EYA2: variants seen among roughly 807,000 people sequenced by gnomAD.
EYA2 encodes protein phosphatase EYA2.
Under a neutral mutation model 69.2 loss-of-function variants are expected in EYA2, and 31 were observed. The observed-to-expected ratio is 0.45, with a 90% CI of 0.34 to 0.60. The LOEUF (loss-of-function observed/expected upper bound fraction) is 0.60. Among genes scored for constraint, EYA2 ranks in the 20% least tolerant of loss-of-function variants. EYA2 has a pLI of 0.02. For synonymous variants in EYA2, 257 were observed against 279.4 expected (o/e 0.92, Z 0.80); for missense variants, 622 against 701.2 (o/e 0.89, Z 1.28).
chr20:47,153,957 C>T (rs2033871960), intron 10 of EYA2, among the ~76,000 whole-genome samples: 1 of 152,026 alleles, frequency 6.6e-6, no homozygotes, highest in Non-Finnish European at 1.5e-5. Flanking sequence ...ACATACCAGG[C>T]ACTGTTCTAG....
chr20:47,004,921 A>G (rs1555811561), intron 3 of EYA2, 21 bp from the exon 4 acceptor site: 7 of 1,613,874 alleles, frequency 4.3e-6, no homozygotes, highest in Non-Finnish European at 5.1e-6. Flanking sequence ...TGGAGATTTA[A>G]TCTTCCCTCT....
chr20:46,940,004 A>C (rs1333551412), intron 1 of EYA2, among the ~76,000 whole-genome samples: 1 of 152,248 alleles, frequency 6.6e-6, no homozygotes, highest in Non-Finnish European at 1.5e-5. Flanking sequence ...AAATGTAGCC[A>C]TTCATAGCAG....
chr20:47,033,373 C>A (rs1984527591), intron 5 of EYA2, among the ~76,000 whole-genome samples: 1 of 152,228 alleles, frequency 6.6e-6, no homozygotes, highest in African/African-American at 2.4e-5. Context: ...TCTGCCAATG[C>A]ACTGTGAACA....
chr20:46,946,732 G>A (rs114534907), intron 1 of EYA2, among the ~76,000 whole-genome samples: 7,260 of 151,162 alleles, frequency 0.048, 540 homozygotes, highest in African/African-American at 0.16. Context: ...AAACCAGACA[G>A]CAGCCAGAAT....
chr20:47,075,213 T>C (rs944766553), intron 7 of EYA2, among the ~76,000 whole-genome samples: 4 of 152,344 alleles, frequency 2.6e-5, no homozygotes, highest in East Asian at 3.9e-4. Flanking sequence ...TCAACAAATA[T>C]TTGGTAAGCT....
At chr20:47,171,199 T>A (rs772505431) in intron 11 of EYA2, among the ~76,000 whole-genome samples, 4 of 152,254 alleles carry the variant, frequency 2.6e-5, no homozygotes, top group South Asian at 2.1e-4. Flanking sequence ...GCTAGCTGGC[T>A]TGGAATTGAG....
chr20:47,072,348 C>G lies in EYA2; in HGVS notation c.483+96C>G. The G allele has an allele frequency of 2.5e-6, 3 of 1,176,830 alleles. No individual in the cohort carries two copies. The South Asian group carries it at 3.9e-5, about 15-fold the overall frequency. The allele number at this position is 1,176,830 out of a possible 1,614,324, so 72.9% of individuals were successfully genotyped here. A position where few individuals can be genotyped will look rare whatever the true frequency, so the allele number is the denominator to read the frequency against. On this transcript the variant is annotated intron_variant, in intron 6 of 15. Transcript: ENST00000327619. ...AGAGAGCCCACGACACACACAATCC[C>G]CATTGGGAACCTGCCTCTTAGTCCC... is the stretch of plus-strand genomic sequence containing the variant.
chr20:46,994,697 C>T (rs569852325), intron 2 of EYA2, among the ~76,000 whole-genome samples: 1 of 152,218 alleles, frequency 6.6e-6, no homozygotes, highest in Admixed American at 6.5e-5. Flanking sequence ...ACCTTTAAGG[C>T]TTTTGTAGCC....
chr20:47,137,403 G>T (rs1180680700), intron 9 of EYA2, among the ~76,000 whole-genome samples: 1 of 152,160 alleles, frequency 6.6e-6, no homozygotes, highest in Non-Finnish European at 1.5e-5. Flanking sequence ...CCAGGCCTGG[G>T]CTAGGTGCTT....
intron 8 of EYA2, among the ~76,000 whole-genome samples, chr20:47,091,505 G>A (rs114070792): frequency 0.012 from 1,881 of 151,342 alleles, 45 homozygotes; most frequent in African/African-American, 0.043. Flanking sequence ...TTCAGAGGCC[G>A]AGGTGGGCAG....
chr20:46,963,360 T>C (rs1320938695), intron 1 of EYA2, among the ~76,000 whole-genome samples: 1 of 152,144 alleles, frequency 6.6e-6, no homozygotes, highest in Non-Finnish European at 1.5e-5. Context: ...CATCAGTCAG[T>C]CGTCAAAAAA....
Position 46,990,105 on chromosome 20 carries a change from T to C in EYA2, c.95T>C (p.Leu32Pro). ...CGTGCTGACGCTGCTGTGTGGACTC[T>C]GAGTGACAGACAAGGTAGGCTTCCT... is the stretch of plus-strand genomic sequence containing the variant. Reference protein sequence around the residue: ...FNRADAAVWTLSDRQGITKSA... With the variant: ...FNRADAAVWTPSDRQGITKSA... Residue 32 changes from leucine (L) to proline (P), a missense_variant, in exon 2 of 16, where the codon CTG (leucine) becomes CCG (proline). Transcript: ENST00000327619. 1 of 1,604,564 alleles carries C rather than the reference T, an allele frequency of 6.2e-7. No homozygotes were observed. Among genetic ancestry groups the C allele is most frequent in the Non-Finnish European group, 8.5e-7 (1 of 1,171,546 alleles).
chr20:47,154,415 A>C (rs1036926399), intron 10 of EYA2, among the ~76,000 whole-genome samples: 6 of 152,058 alleles, frequency 3.9e-5, no homozygotes, highest in African/African-American at 1.4e-4. Context: ...ACAAACGTTC[A>C]GTTCATAACA....
chr20:47,112,862 C>CTTTTTTTTTTT (rs11473217), intron 9 of EYA2, among the ~76,000 whole-genome samples: 1,999 of 55,800 alleles, frequency 0.036, 509 homozygotes, highest in Non-Finnish European at 0.054. Context: ...ATGTTCACTC[C>CTTTTTTTTTTT]TTTTTTTTTT....
chr20:47,117,694 AC>A, intron 9 of EYA2: 1 of 985,408 alleles, frequency 1.0e-6, no homozygotes, highest in Non-Finnish European at 1.2e-6. Context: ...GCAGTTAAAA[AC>A]TATTTGTAGA....
chr20:47,124,182 A>G (rs1011564109), intron 9 of EYA2, among the ~76,000 whole-genome samples: 5 of 152,172 alleles, frequency 3.3e-5, no homozygotes, highest in African/African-American at 1.2e-4. Context: ...CAAGCTGGTG[A>G]GGTCCTGCTC....
intron 9 of EYA2, among the ~76,000 whole-genome samples, chr20:47,103,023 T>A (rs2032467843): frequency 6.6e-6 from 1 of 152,234 alleles, no homozygotes; most frequent in South Asian, 2.1e-4. Flanking sequence ...CTTTTGTGCC[T>A]TGCCTTCTAG....
intron 7 of EYA2, among the ~76,000 whole-genome samples, chr20:47,080,862 G>T (rs553399521): frequency 6.6e-6 from 1 of 152,256 alleles, no homozygotes; most frequent in Non-Finnish European, 1.5e-5. Flanking sequence ...CAAGAACAGT[G>T]CAGGAAAGAC....
chr20:47,070,831 ATAATTT>A (rs997700639), intron 5 of EYA2, among the ~76,000 whole-genome samples: 1 of 152,152 alleles, frequency 6.6e-6, no homozygotes, highest in Non-Finnish European at 1.5e-5. Flanking sequence ...TTTTAAATAA[ATAATTT>A]TTATTTTTTA....
Sources: allele counts gnomAD v4.1 joint callset (sites outside exome capture counted in the v4.1 genomes callset), GRCh38; gene constraint gnomAD v4.1.1; transcripts MANE v1.5; gene names NCBI Gene and HGNC (gene_info 2026-07-23, HGNC 2026-07-21).